Variants in VPS50 observed in about 807,000 individuals in gnomAD.
VPS50 encodes the protein syndetin.
In VPS50, 70 loss-of-function variants were observed where a neutral mutation model predicts 139.7. The ratio of observed to expected loss-of-function variants is 0.50; its 90% CI spans 0.41 to 0.61. VPS50 has a LOEUF of 0.61. Among genes scored for constraint, VPS50 ranks in the 20% least tolerant of loss-of-function variants. VPS50 has a pLI of 0.00. For synonymous variants in VPS50, 365 were observed against 376.7 expected (o/e 0.97, Z 0.36); for missense variants, 921 against 1,133.7 (o/e 0.81, Z 2.69).
rs572860408 is a variant in VPS50 at position 93,259,163 on chromosome 7, A to G, written c.577-387A>G. On this transcript the variant is annotated intron_variant, in intron 8 of 27. Coordinates refer to ENST00000305866, the MANE Select transcript of VPS50 (RefSeq NM_017667.4). Reference sequence around the variant, plus strand: ...ATTTCTTGGTGGTAAATTGTTGACTATCAATTACAAATAGAATGCATACTA... The same window carrying G: ...ATTTCTTGGTGGTAAATTGTTGACTGTCAATTACAAATAGAATGCATACTA... 4.6e-5 allele frequency among the ~76,000 whole-genome samples: 7 copies of G among 152,046 alleles called. No individual in the cohort carries two copies. In the South Asian group the frequency reaches 1.5e-3, roughly 32 times the overall value.
At chr7:93,276,645 G>T (rs532612712) in intron 12 of VPS50, among the ~76,000 whole-genome samples, 3 of 152,244 alleles carry the variant, frequency 2.0e-5, no homozygotes, top group African/African-American at 7.2e-5. Context: ...TTTCTGTACA[G>T]ATTTTCAACC....
In VPS50 at chr7:93,272,679, C is replaced by T. The variant is rs537113623; in HGVS notation, c.747C>T (p.Asp249=). 42 of 1,578,166 alleles carry T rather than the reference C, an allele frequency of 2.7e-5. No homozygotes were observed. In the East Asian group the frequency reaches 9.1e-4, roughly 34 times the overall value. The change falls in exon 11 of 28, where the codon GAC becomes GAT. Residue 249 remains aspartate (D), a synonymous_variant. Transcript: ENST00000305866. Reference sequence around the variant, plus strand: ...TTTCCAAAATCTGCAAGAATTTTGACATTAACCATTATACCAAGGTTCAAC... The same window carrying T: ...TTTCCAAAATCTGCAAGAATTTTGATATTAACCATTATACCAAGGTTCAAC... ...VALSKICKNF[D]INHYTKVQQA...
chr7:93,310,878 A>G (rs1293256873), intron 19 of VPS50, among the ~76,000 whole-genome samples: 3 of 152,058 alleles, frequency 2.0e-5, no homozygotes, highest in African/African-American at 4.8e-5. Context: ...ATTTGCACCT[A>G]GATGTATTAT....
chr7:93,311,537 C>T (rs1040237446), intron 20 of VPS50, among the ~76,000 whole-genome samples: 11 of 151,930 alleles, frequency 7.2e-5, no homozygotes, highest in South Asian at 2.1e-4. Context: ...AATTGAAATG[C>T]GATGAAAAAT....
chr7:93,249,367 A>G (rs988860661), intron 2 of VPS50, among the ~76,000 whole-genome samples: 1 of 152,082 alleles, frequency 6.6e-6, no homozygotes, highest in African/African-American at 2.4e-5. Flanking sequence ...GTGAAAAAAA[A>G]ACTAGGCATG....
intron 1 of VPS50, 44 bp downstream of exon 1, chr7:93,232,544 G>A (rs1246751534): frequency 6.5e-7 from 1 of 1,549,478 alleles, no homozygotes; most frequent in African/African-American, 1.4e-5. Flanking sequence ...CATCTCGGAA[G>A]TGAGAGGAGC....
intron 2 of VPS50, among the ~76,000 whole-genome samples, chr7:93,248,485 T>C (rs920323587): frequency 6.6e-6 from 1 of 152,154 alleles, no homozygotes; most frequent in African/African-American, 2.4e-5. Flanking sequence ...ATGTGTAAAA[T>C]ATTCCTAAAT....
intron 3 of VPS50, 111 bp downstream of exon 3, chr7:93,252,886 G>C: frequency 1.4e-6 from 1 of 730,134 alleles, no homozygotes; most frequent in Non-Finnish European, 2.3e-6. Context: ...ACCAGAATAG[G>C]TCTGTGATTA....
chr7:93,345,726 C>A (rs1028356014), intron 23 of VPS50, among the ~76,000 whole-genome samples: 3 of 152,116 alleles, frequency 2.0e-5, no homozygotes, highest in African/African-American at 7.2e-5. Context: ...AAGACGAAAA[C>A]CACATGATTA....
intron 2 of VPS50, among the ~76,000 whole-genome samples, chr7:93,247,813 G>T (rs1182703448): frequency 6.6e-6 from 1 of 152,002 alleles, no homozygotes; most frequent in Non-Finnish European, 1.5e-5. Context: ...AAGTAGGCAG[G>T]TTAGTTTCTA....
chr7:93,331,832 G>A (rs1797950156), intron 21 of VPS50, among the ~76,000 whole-genome samples: 1 of 152,080 alleles, frequency 6.6e-6, no homozygotes, highest in African/African-American at 2.4e-5. Flanking sequence ...TATTGAGAAA[G>A]GGCATGTTTA....
chr7:93,279,741 A>G (rs1475508472), intron 12 of VPS50, among the ~76,000 whole-genome samples: 1 of 152,234 alleles, frequency 6.6e-6, no homozygotes, highest in Non-Finnish European at 1.5e-5. Context: ...TCCTCTGTAC[A>G]GTAGCAATGT....
chr7:93,323,866 T>C (rs1304869131), intron 21 of VPS50, 134 bp downstream of exon 21: 5 of 388,976 alleles, frequency 1.3e-5, no homozygotes, highest in Non-Finnish European at 2.2e-5. Flanking sequence ...ACAAAATTAT[T>C]GATATCAGCC....
intron 6 of VPS50, 35 bp from the exon 7 acceptor site, chr7:93,258,124 A>G: frequency 1.2e-6 from 1 of 853,454 alleles, no homozygotes; most frequent in Non-Finnish European, 1.9e-6. Context: ...TATTATAATA[A>G]AAAACTTTTA....
intron 3 of VPS50, among the ~76,000 whole-genome samples, chr7:93,253,239 A>G (rs1388831311): frequency 2.0e-5 from 3 of 152,218 alleles, no homozygotes; most frequent in Admixed American, 6.5e-5. Context: ...TGCTGTATGC[A>G]TATATACTTT....
At chr7:93,292,268 T>C (rs901716638) in intron 13 of VPS50, among the ~76,000 whole-genome samples, 3 of 152,092 alleles carry the variant, frequency 2.0e-5, no homozygotes, top group African/African-American at 2.4e-5. Context: ...ATACTTTCCT[T>C]CCTGAAAATG....
At chr7:93,281,076 G>A (rs976225629) in intron 12 of VPS50, among the ~76,000 whole-genome samples, 1 of 152,116 alleles carries the variant, frequency 6.6e-6, no homozygotes, top group Non-Finnish European at 1.5e-5. Flanking sequence ...GTGTGGTGTT[G>A]ACACAATTAG....
At chr7:93,315,540 G>C (rs557865909) in intron 20 of VPS50, among the ~76,000 whole-genome samples, 2 of 152,268 alleles carry the variant, frequency 1.3e-5, no homozygotes, top group South Asian at 4.1e-4. Context: ...TTCATTAGCA[G>C]TATTTGAGGG....
chr7:93,298,528 T>C (rs1044790982), intron 16 of VPS50, among the ~76,000 whole-genome samples: 2 of 152,214 alleles, frequency 1.3e-5, no homozygotes, highest in Non-Finnish European at 2.9e-5. Flanking sequence ...GTATCCAACA[T>C]GACAACTGGG....
Sources: gnomAD v4.1 joint callset for allele counts (sites outside exome capture counted in the v4.1 genomes callset) on GRCh38, gnomAD v4.1.1 for gene constraint, MANE v1.5 for transcripts, NCBI Gene and HGNC (gene_info 2026-07-23, HGNC 2026-07-21) for gene names.